KCNT1: variants seen among roughly 807,000 people sequenced by gnomAD.
KCNT1 encodes the protein potassium sodium-activated channel subfamily T member 1, also known as potassium channel subfamily T member 1.
A neutral mutation model predicts 147.8 loss-of-function variants in KCNT1; 78 were observed. The observed-to-expected ratio is 0.53, with a 90% CI of 0.44 to 0.64. The LOEUF (loss-of-function observed/expected upper bound fraction) is 0.64, where lower values mean the gene tolerates loss of function less well. KCNT1 is among the 30% of genes least tolerant of loss of function. KCNT1 has a pLI of 0.00. For missense variants in KCNT1, 1,419 were observed against 1,750.3 expected (o/e 0.81, Z 3.38); for synonymous variants, 867 against 748.8 (o/e 1.16, Z -2.58).
intron 6 of KCNT1, 25 bp downstream of exon 6, chr9:135,755,194 C>T (rs1831403762): frequency 1.3e-6 from 2 of 1,597,116 alleles, no homozygotes; most frequent in Non-Finnish European, 1.7e-6. Context: ...CTGCCCCCCT[C>T]CCGACTGCAG....
intron 1 of KCNT1, among the ~76,000 whole-genome samples, chr9:135,711,841 T>C (rs1166319940): frequency 1.3e-5 from 2 of 152,234 alleles, no homozygotes; most frequent in Non-Finnish European, 2.9e-5. Flanking sequence ...GCCAAACTGC[T>C]GGCCACGCTA....
intron 1 of KCNT1, among the ~76,000 whole-genome samples, chr9:135,709,406 C>A (rs1835388851): frequency 2.6e-5 from 4 of 152,144 alleles, no homozygotes; most frequent in Admixed American, 2.6e-4. Context: ...AAATCCATGC[C>A]TGGGCCTCCT....
chr9:135,779,587 G>A (rs1833458610), intron 24 of KCNT1, 117 bp downstream of exon 24: 5 of 755,954 alleles, frequency 6.6e-6, no homozygotes, highest in South Asian at 6.4e-5. Flanking sequence ...CCGCCCTCCT[G>A]CTGGGGAACT....
chr9:135,716,715 A>G (rs1293654468), intron 2 of KCNT1, among the ~76,000 whole-genome samples: 2 of 152,024 alleles, frequency 1.3e-5, no homozygotes, highest in Admixed American at 6.6e-5. Flanking sequence ...GGACCGCTGG[A>G]CGTGTGTGGC....
At position 135,725,585 on chromosome 9, in the gene KCNT1, C is replaced by T. The variant is rs138886683; in HGVS notation, c.254+10865C>T. On this transcript the variant is annotated intron_variant, in intron 2 of 30. Coordinates refer to ENST00000371757, the MANE Select transcript of KCNT1 (RefSeq NM_020822.3). ...GGTCTCCAGAACAGAGAGAAGAGAC[C>T]GCTGTAGTTTTGGGCACTCAGTTTG... is the stretch of plus-strand genomic sequence containing the variant. Among the ~76,000 whole-genome samples the T allele has an allele frequency of 3.2e-4, 49 of 152,234 alleles. 1 individual carries two copies. The East Asian group carries it at 8.9e-3, about 28-fold the overall frequency.
At chr9:135,725,195 G>A (rs975255217) in intron 2 of KCNT1, among the ~76,000 whole-genome samples, 2 of 151,918 alleles carry the variant, frequency 1.3e-5, no homozygotes, top group East Asian at 1.9e-4. Context: ...TGCCGGGGGG[G>A]ACCTCAGAAG....
At chr9:135,785,845 G>C (rs62584761) in intron 28 of KCNT1, 12,624 of 442,548 alleles carry the variant, frequency 0.029, 247 homozygotes, top group Non-Finnish European at 0.036. Context: ...CTCAGGGCAA[G>C]GCCAGGATGT....
chr9:135,712,600 C>T (rs778046121), intron 1 of KCNT1, among the ~76,000 whole-genome samples: 7 of 152,206 alleles, frequency 4.6e-5, no homozygotes, highest in Admixed American at 2.0e-4. Context: ...TTCCTGCTTG[C>T]GAAAAGTCTC....
intron 24 of KCNT1, 112 bp from the exon 25 acceptor site, chr9:135,783,912 C>T (rs1429178843): frequency 2.6e-6 from 2 of 757,146 alleles, no homozygotes; most frequent in East Asian, 2.6e-5. Flanking sequence ...AATGTGCACA[C>T]AGGTATCATG....
chr9:135,774,134 T>G (rs1832947871), intron 19 of KCNT1, among the ~76,000 whole-genome samples: 1 of 151,462 alleles, frequency 6.6e-6, no homozygotes, highest in South Asian at 2.1e-4. Context: ...GTGTGTTGTG[T>G]GATATGTGAT....
Position 135,714,624 on chromosome 9 carries a change from A to C in KCNT1, c.158A>C (p.Lys53Thr), listed in dbSNP as rs749961306. Residue 53 changes from lysine to threonine, a missense_variant, in exon 2 of 31, where the codon AAG (lysine) becomes ACG (threonine). Physicochemically the swap from Lys to Thr is moderately conservative, Grantham distance 78. Around this residue, in one of 5 missense-constraint regions of KCNT1, gnomAD observed 181 missense variants for 155.7 expected, o/e 1.16. Transcript: ENST00000371757. This position sits in a 1 kb window ranked among gnomAD's most constrained non-coding sequence, Gnocchi z 6.2. The stretch of plus-strand genomic sequence containing the variant: ...GCGCTCCTGGACACCGCCGGCTTCA[A>C]GATGAGCGACCTGGACTCCGAGGTG... ...DGALLDTAGF[K>T]MSDLDSEVLP... The C allele has an allele frequency of 6.8e-7, 1 of 1,459,900 alleles. No homozygotes were observed. The highest frequency in any genetic ancestry group is 2.0e-5 in the Admixed American group (1 of 48,944). 90.4% of individuals were successfully genotyped at this position (1,459,900 alleles called of 1,614,324 possible). A position where few individuals can be genotyped will look rare whatever the true frequency, so the allele number is the denominator to read the frequency against.
chr9:135,709,065 A>G (rs1359283241), intron 1 of KCNT1, among the ~76,000 whole-genome samples: 2 of 152,126 alleles, frequency 1.3e-5, no homozygotes, highest in African/African-American at 2.4e-5. Flanking sequence ...GCAAAGCACA[A>G]TGGGTGAGAC....
In KCNT1 at chr9:135,735,248, G is replaced by A. The variant is rs117440671; in HGVS notation, c.255-14850G>A. 7.1e-3 allele frequency among the ~76,000 whole-genome samples: 1,077 copies of A among 152,312 alleles called. 6 individuals carry two copies. The highest frequency in any genetic ancestry group is 0.037 in the Middle Eastern group (11 of 294). On this transcript the variant is annotated intron_variant, in intron 2 of 30. Transcript: ENST00000371757. ...GGGATTTTCCTTACTCAGCCACATC[G>A]GGGAGGGCGCTAGGGCAGGTATCGG...
chr9:135,716,222 C>G (rs1014331988), intron 2 of KCNT1, among the ~76,000 whole-genome samples: 7 of 152,218 alleles, frequency 4.6e-5, no homozygotes, highest in Non-Finnish European at 1.0e-4. Flanking sequence ...GGAGATCCTT[C>G]CGATATTGGG....
At chr9:135,784,703 C>T (rs1163358048) in intron 26 of KCNT1, 58 bp from the exon 27 acceptor site, 1 of 1,608,444 alleles carries the variant, frequency 6.2e-7, no homozygotes, top group Non-Finnish European at 8.5e-7. Flanking sequence ...TTCACGGTGG[C>T]CAGGAGGCTC....
intron 19 of KCNT1, among the ~76,000 whole-genome samples, chr9:135,774,445 G>T (rs928963226): frequency 1.5e-5 from 2 of 133,212 alleles, no homozygotes; most frequent in Non-Finnish European, 3.2e-5. Context: ...TGTGTCTGTG[G>T]TGTGTCTGTG....
intron 25 of KCNT1, 22 bp from the exon 26 acceptor site, chr9:135,784,512 TC>T: frequency 1.2e-5 from 2 of 167,928 alleles, no homozygotes; most frequent in South Asian, 8.6e-5. Flanking sequence ...CCTCCCTCCC[TC>T]CCTCCCTCCC....
At chr9:135,719,087 C>A (rs1835826127) in intron 2 of KCNT1, among the ~76,000 whole-genome samples, 1 of 152,202 alleles carries the variant, frequency 6.6e-6, no homozygotes, top group Non-Finnish European at 1.5e-5. Context: ...GCTCTGGAGC[C>A]CCTTGAGCCA....
At chr9:135,784,689 C>T in intron 26 of KCNT1, 71 bp downstream of exon 26, 1 of 1,608,810 alleles carries the variant, frequency 6.2e-7, no homozygotes, top group Non-Finnish European at 8.5e-7. Context: ...GCACCTGCCC[C>T]TGATTCACGG....
Sources: gnomAD v4.1 joint callset for allele counts (sites outside exome capture counted in the v4.1 genomes callset) on GRCh38, gnomAD v4.1.1 for gene constraint, gnomAD v4.1.1 regional missense constraint, Gnocchi (gnomAD v3.1) non-coding constraint, MANE v1.5 for transcripts, NCBI Gene and HGNC (gene_info 2026-07-23, HGNC 2026-07-21) for gene names.